Variants in GLOD4 observed in about 807,000 individuals in gnomAD.
The protein encoded by GLOD4 is glyoxalase domain-containing protein 4.
GLOD4 carries 44 observed loss-of-function variants against 39.1 expected under a neutral mutation model. That is an observed-to-expected ratio of 1.13 (90% CI 0.88 to 1.45). The LOEUF is 1.45. Among genes scored for constraint, GLOD4 ranks in the 40% most tolerant of loss-of-function variants. The pLI, the probability that GLOD4 is intolerant of heterozygous loss-of-function variation, is 0.00. For missense variants in GLOD4, 405 were observed against 366.4 expected (o/e 1.11, Z -0.86); for synonymous variants, 145 against 135.0 (o/e 1.07, Z -0.52).
chr17:763,504 G>C (rs1043997387), intron 8 of GLOD4: 1 of 152,200 alleles, frequency 6.6e-6, no homozygotes, highest in Non-Finnish European at 1.5e-5. Context: ...CTGGGCAACA[G>C]AGTGAGGCTC....
chr17:781,941 G>T, intron 1 of GLOD4: 1 of 539,830 alleles, frequency 1.9e-6, no homozygotes. Context: ...GAAAGGACGT[G>T]CGTGGGCACA....
upstream of GLOD4, among the ~76,000 whole-genome samples, chr17:784,087 A>C (rs559281143): frequency 1.6e-4 from 25 of 152,224 alleles, no homozygotes; most frequent in Admixed American, 2.0e-4. Flanking sequence ...CTGTTCCTTC[A>C]TTTGGCTGAA....
At chr17:772,911 C>T (rs1249402118) in intron 4 of GLOD4, among the ~76,000 whole-genome samples, 1 of 151,638 alleles carries the variant, frequency 6.6e-6, no homozygotes, top group Non-Finnish European at 1.5e-5. Flanking sequence ...AGGAGAATGG[C>T]GTGAACCCGG....
chr17:773,854 G>A (rs1369458823), intron 4 of GLOD4, among the ~76,000 whole-genome samples: 1 of 152,172 alleles, frequency 6.6e-6, no homozygotes, highest in East Asian at 1.9e-4. Flanking sequence ...CGCAGGACAG[G>A]AAGTTAACGC....
intron 2 of GLOD4, chr17:777,322 G>C (rs767240046): frequency 3.6e-6 from 1 of 279,076 alleles, no homozygotes; most frequent in Non-Finnish European, 7.0e-6. Context: ...ATAGGCCTTG[G>C]ACTGTTCCAA....
chr17:780,646 G>A (rs887840271), intron 1 of GLOD4: 1 of 151,586 alleles, frequency 6.6e-6, no homozygotes, highest in African/African-American at 2.4e-5. Flanking sequence ...GGGAGGCTGA[G>A]GCAGGAGAAT....
At chr17:768,909 C>T (rs1907349654) in intron 8 of GLOD4, among the ~76,000 whole-genome samples, 1 of 150,762 alleles carries the variant, frequency 6.6e-6, no homozygotes. Flanking sequence ...ACAGCGCGCA[C>T]TCAGATTTTT....
chr17:782,304 G>C (rs1197816890), upstream of GLOD4: 2 of 1,611,458 alleles, frequency 1.2e-6, no homozygotes, highest in East Asian at 2.2e-5. Context: ...CCCAGTCCAC[G>C]AAGGGCGCCA....
chr17:774,384 G>C (rs1314880877), intron 4 of GLOD4, among the ~76,000 whole-genome samples: 1 of 152,226 alleles, frequency 6.6e-6, no homozygotes, highest in Non-Finnish European at 1.5e-5. Flanking sequence ...ACCAAGTAAG[G>C]GAGTCGGCAC....
intron 3 of GLOD4, 80 bp from the exon 4 acceptor site, chr17:775,999 T>A (rs1908883031): frequency 9.4e-7 from 1 of 1,063,526 alleles, no homozygotes; most frequent in African/African-American, 1.6e-5. Flanking sequence ...CAACCCCTAT[T>A]GCCTACTGCC....
At chr17:760,575 G>A (rs1044159243) in intron 8 of GLOD4, among the ~76,000 whole-genome samples, 11 of 152,186 alleles carry the variant, frequency 7.2e-5, no homozygotes, top group African/African-American at 2.2e-4. Flanking sequence ...CATGCCAGGC[G>A]GTAGGATCTC....
chr17:767,668 TGAGA>T (rs781299827), intron 8 of GLOD4, among the ~76,000 whole-genome samples: 1 of 136,870 alleles, frequency 7.3e-6, no homozygotes, highest in Non-Finnish European at 1.5e-5. Context: ...GGAGAGGACG[TGAGA>T]GAGAGAAACA....
intron 4 of GLOD4, among the ~76,000 whole-genome samples, chr17:774,212 CT>C (rs1180486423): frequency 6.6e-6 from 1 of 152,208 alleles, no homozygotes; most frequent in East Asian, 1.9e-4. Context: ...GCCTCCCACA[CT>C]GGAACAGACG....
At chr17:783,056 G>GTTTTTT (rs34512506), upstream of GLOD4, 20 of 1,352,220 alleles carry the variant, frequency 1.5e-5, no homozygotes, top group South Asian at 2.8e-5. Context: ...ATAGTTACCT[G>GTTTTTT]TTTTTTTTTT....
upstream of GLOD4, chr17:782,601 C>A: frequency 6.2e-7 from 1 of 1,614,056 alleles, no homozygotes; most frequent in South Asian, 1.1e-5. Flanking sequence ...AGAGAAACAA[C>A]CGCTCGAGGA....
intron 8 of GLOD4, chr17:764,902 T>A (rs191368726): frequency 1.3e-5 from 2 of 150,524 alleles, no homozygotes; most frequent in Non-Finnish European, 2.9e-5. Context: ...AGCTACTCGG[T>A]AGGCTGAGGC....
chr17:782,319 C>A (rs747569940), upstream of GLOD4: 1 of 1,611,440 alleles, frequency 6.2e-7, no homozygotes, highest in Admixed American at 1.7e-5. Context: ...GCGCCACGGG[C>A]CGTGACGTCA....
chr17:760,260 T>C (rs1419303819), intron 8 of GLOD4, 22 bp from the exon 9 acceptor site: 11 of 1,341,978 alleles, frequency 8.2e-6, no homozygotes, highest in Admixed American at 1.7e-5. Context: ...AAATAGAATA[T>C]ACACTGACTC....
chr17:783,813 T>C (rs1359121782), upstream of GLOD4, among the ~76,000 whole-genome samples: 2 of 152,260 alleles, frequency 1.3e-5, no homozygotes, highest in African/African-American at 2.4e-5. Flanking sequence ...ATCATTTGTG[T>C]TGTGGCTCTT....
Sources: gnomAD v4.1 joint callset for allele counts (sites outside exome capture counted in the v4.1 genomes callset) on GRCh38, gnomAD v4.1.1 for gene constraint, MANE v1.5 for transcripts, NCBI Gene and HGNC (gene_info 2026-07-23, HGNC 2026-07-21) for gene names.